The following RANBP2 variants were observed in gnomAD, a reference collection of about 807,000 sequenced individuals.
The protein encoded by RANBP2 is E3 SUMO-protein ligase RanBP2.
Under a neutral mutation model 303.6 loss-of-function variants are expected in RANBP2, and 57 were observed. The ratio of observed to expected loss-of-function variants is 0.19; its 90% CI spans 0.15 to 0.23. The LOEUF (loss-of-function observed/expected upper bound fraction) is 0.23. Among genes scored for constraint, RANBP2 ranks in the 10% least tolerant of loss-of-function variants. The probability of loss-of-function intolerance (pLI) is 1.00; values close to 1 mark genes in which losing one functional copy is unlikely to be tolerated. For synonymous variants in RANBP2, 1,167 were observed against 1,301.5 expected, an observed-to-expected ratio of 0.90 and a Z score of 2.23; for missense variants, 3,138 against 3,780.8, an observed-to-expected ratio of 0.83 and a Z score of 4.46.
At chr2:108,893,297 A>ATGTT in the RANBP2 span, among the ~76,000 whole-genome samples, 4 of 152,342 alleles carry the variant, frequency 2.6e-5, no homozygotes, top group African/African-American at 9.6e-5. Flanking sequence ...ATGATAGCAA[A>ATGTT]TGTTTACAGA....
In RANBP2 at chr2:108,755,049, A is replaced by C. The variant is rs770864823; in HGVS notation, c.2347A>C (p.Thr783Pro). ...SEIKHSTPSP[T>P]RYSLSPSKSY... ...AATAAAACATTCTACACCGTCTCCT[A>C]CCAGATATTCACTATCACCAAGTAA... Residue 783 changes from threonine to proline, a missense_variant, in exon 16 of 29, where the codon ACC becomes CCC. Coordinates refer to ENST00000283195, the MANE Select transcript of RANBP2 (RefSeq NM_006267.5). The C allele has an allele frequency of 2.5e-6, 4 of 1,611,958 alleles. No individual in the cohort carries two copies. Among genetic ancestry groups the C allele is most frequent in the Non-Finnish European group, 3.4e-6 (4 of 1,179,828 alleles).
the RANBP2 span, among the ~76,000 whole-genome samples, chr2:109,257,474 A>G: frequency 1.3e-5 from 2 of 152,088 alleles, no homozygotes; most frequent in African/African-American, 4.8e-5. Flanking sequence ...TTTCTTGTAA[A>G]TAGCAGCTGC....
At chr2:109,345,439 A>G in the RANBP2 span, among the ~76,000 whole-genome samples, 14 of 152,202 alleles carry the variant, frequency 9.2e-5, no homozygotes, top group African/African-American at 3.4e-4. Flanking sequence ...TACCAATGGT[A>G]GCAAAAGTCG....
At position 108,764,598 on chromosome 2, in the gene RANBP2, G is replaced by A; in HGVS notation, c.4059G>A (p.Gly1353=). 6.2e-7 allele frequency: 1 copy of A among 1,614,034 alleles called. No homozygotes were observed. The part of the protein sequence containing the change: ...NFEFQVAKKE[G]SWWHCNSCSL... ...AATTTCAGGTTGCAAAGAAAGAAGG[G>A]TCTTGGTGGCATTGTAACAGCTGCT... Residue 1353 remains glycine (G), a synonymous_variant, in exon 20 of 29, where the codon GGG becomes GGA. Transcript: ENST00000283195.
At chr2:108,965,113 C>CTG in the RANBP2 span, among the ~76,000 whole-genome samples, 3 of 151,388 alleles carry the variant, frequency 2.0e-5, no homozygotes, top group Non-Finnish European at 2.9e-5. Flanking sequence ...ATGTGTGTGT[C>CTG]TGTGTGTGTG....
At chr2:109,743,463 C>T in the RANBP2 span, among the ~76,000 whole-genome samples, 10 of 145,946 alleles carry the variant, frequency 6.9e-5, no homozygotes, top group African/African-American at 2.3e-4. Context: ...AAAGAAAAAT[C>T]GACAGTTGGA....
the RANBP2 span, among the ~76,000 whole-genome samples, chr2:109,061,584 C>T: frequency 6.6e-6 from 1 of 152,100 alleles, no homozygotes; most frequent in African/African-American, 2.4e-5. Context: ...TCATCATGCA[C>T]ACTCACTATA....
the RANBP2 span, among the ~76,000 whole-genome samples, chr2:109,572,971 TTTATC>T: frequency 6.6e-6 from 1 of 152,142 alleles, no homozygotes; most frequent in Non-Finnish European, 1.5e-5. Context: ...AGTTTACACT[TTTATC>T]ATAAAAAATA....
At chr2:109,390,034 G>A in the RANBP2 span, among the ~76,000 whole-genome samples, 4 of 152,128 alleles carry the variant, frequency 2.6e-5, no homozygotes, top group Non-Finnish European at 5.9e-5. Flanking sequence ...TGGTCCTCAG[G>A]TTAAAAATGG....
At chr2:109,203,079 G>T in the RANBP2 span, among the ~76,000 whole-genome samples, 1 of 152,158 alleles carries the variant, frequency 6.6e-6, no homozygotes, top group Admixed American at 6.5e-5. Context: ...CAGAAGCTCC[G>T]TCGAGCCTGG....
chr2:109,243,107 G>A, the RANBP2 span, among the ~76,000 whole-genome samples: 1 of 152,240 alleles, frequency 6.6e-6, no homozygotes, highest in African/African-American at 2.4e-5. Context: ...TGAGATGGGA[G>A]GTGTTGTCTT....
At chr2:109,064,231 A>G in the RANBP2 span, among the ~76,000 whole-genome samples, 2 of 152,086 alleles carry the variant, frequency 1.3e-5, no homozygotes, top group Non-Finnish European at 2.9e-5. Context: ...GCACTTTGGG[A>G]TGCCGAGGTG....
At chr2:109,427,539 C>CT in the RANBP2 span, among the ~76,000 whole-genome samples, 10 of 152,182 alleles carry the variant, frequency 6.6e-5, no homozygotes, top group African/African-American at 1.9e-4. Flanking sequence ...CCCAGAATCT[C>CT]TAACAAGTTC....
chr2:109,659,585 C>T, the RANBP2 span, among the ~76,000 whole-genome samples: 2 of 152,204 alleles, frequency 1.3e-5, no homozygotes, highest in South Asian at 4.1e-4. Flanking sequence ...GGGGGCTGGA[C>T]AGCCCCTGCA....
the RANBP2 span, among the ~76,000 whole-genome samples, chr2:109,297,742 A>C: frequency 4.1e-5 from 6 of 147,274 alleles, no homozygotes; most frequent in Non-Finnish European, 8.9e-5. Flanking sequence ...CCACCAGGAC[A>C]GTGTCCCTTA....
the RANBP2 span, among the ~76,000 whole-genome samples, chr2:109,323,530 G>A: frequency 2.0e-5 from 3 of 152,228 alleles, no homozygotes; most frequent in African/African-American, 4.8e-5. Context: ...GAAGAATATT[G>A]TAGGTAGTGG....
chr2:109,161,242 G>T, the RANBP2 span, among the ~76,000 whole-genome samples: 1 of 152,162 alleles, frequency 6.6e-6, no homozygotes, highest in African/African-American at 2.4e-5. Flanking sequence ...TATAAGTCAG[G>T]CACGAGTATG....
the RANBP2 span, among the ~76,000 whole-genome samples, chr2:109,391,439 C>T: frequency 1.3e-5 from 2 of 152,308 alleles, no homozygotes; most frequent in African/African-American, 4.8e-5. Flanking sequence ...CCCATGGGCT[C>T]GGGCCTTCAC....
At chr2:109,031,720 C>A in the RANBP2 span, among the ~76,000 whole-genome samples, 10 of 152,312 alleles carry the variant, frequency 6.6e-5, no homozygotes, top group African/African-American at 2.2e-4. Flanking sequence ...GCAACCTGGA[C>A]GCGCTGCGGG....
Sources: gnomAD v4.1 joint callset for allele counts (sites outside exome capture counted in the v4.1 genomes callset) on GRCh38, gnomAD v4.1.1 for gene constraint, MANE v1.5 for transcripts, NCBI Gene and HGNC (gene_info 2026-07-23, HGNC 2026-07-21) for gene names.